Variants in MRPL30 observed in about 807,000 individuals in gnomAD.
MRPL30 encodes mitochondrial ribosomal protein L30.
A neutral mutation model predicts 17.2 loss-of-function variants in MRPL30; 10 were observed. The ratio of observed to expected loss-of-function variants is 0.58; its 90% CI spans 0.36 to 0.99. MRPL30 has a LOEUF of 0.99. MRPL30 is among the 50% of genes least tolerant of loss of function. The pLI is 0.01. For synonymous variants in MRPL30, 61 were observed against 62.1 expected, an observed-to-expected ratio of 0.98 and a Z score of 0.08; for missense variants, 170 against 189.8, an observed-to-expected ratio of 0.90 and a Z score of 0.61.
chr2:99,183,844 T>A (rs956770655), intron 1 of MRPL30, among the ~76,000 whole-genome samples: 1 of 152,138 alleles, frequency 6.6e-6, no homozygotes, highest in Non-Finnish European at 1.5e-5. Context: ...TATTCCAGGA[T>A]CCCATCCAGG....
rs1321510531 is a variant in MRPL30 at position 99,196,936 on chromosome 2, C to T, written c.*1231C>T. ...ATTATTGCACACTGCCTGAACAAAA[C>T]CTATTTGTCTCTATGTAAATTTTTT... On this transcript the variant is annotated 3_prime_UTR_variant, in exon 6 of 6. Transcript: ENST00000338148. 6.6e-6 allele frequency: 1 copy of T among 152,112 alleles called. No homozygotes were observed. The highest frequency in any genetic ancestry group is 1.5e-5 in the Non-Finnish European group (1 of 68,014). The allele number at this position is 152,112 out of a possible 1,614,324, so 9.4% of individuals were successfully genotyped here.
chr2:99,184,696 G>A (rs1011574775), intron 1 of MRPL30, among the ~76,000 whole-genome samples: 12 of 152,332 alleles, frequency 7.9e-5, no homozygotes, highest in Admixed American at 4.6e-4. Context: ...TTTTTAAAGT[G>A]TGAAGCTAAG....
chr2:99,195,865 T>C lies in MRPL30; in HGVS notation c.*160T>C. 1.0e-6 allele frequency: 1 copy of C among 968,782 alleles called. No individual in the cohort carries two copies. Among genetic ancestry groups the C allele is most frequent in the African/African-American group, 1.7e-5 (1 of 59,066 alleles). The allele number at this position is 968,782 out of a possible 1,614,324, so 60.0% of individuals were successfully genotyped here. On this transcript the variant is annotated 3_prime_UTR_variant, in exon 6 of 6. Transcript: ENST00000338148. ...GGGAGGCCAAGGCGGGCAGATCACC[T>C]GAGGTCAAGAGTTCGAGACCAGCCT...
At chr2:99,193,359 C>T (rs1005650150) in intron 3 of MRPL30, among the ~76,000 whole-genome samples, 1 of 152,094 alleles carries the variant, frequency 6.6e-6, no homozygotes, top group Non-Finnish European at 1.5e-5. Flanking sequence ...AATAAGAACG[C>T]TTTTACACTG....
At chr2:99,194,923 A>C in intron 4 of MRPL30, 26 bp downstream of exon 4, 1 of 1,533,904 alleles carries the variant, frequency 6.5e-7, no homozygotes, top group East Asian at 2.3e-5. Context: ...AATCATCTTT[A>C]GTGTTGTTTA....
chr2:99,196,012 C>G lies in MRPL30; in HGVS notation c.*307C>G. The G allele has an allele frequency of 3.4e-6, 1 of 298,310 alleles. No individual in the cohort carries two copies. The highest frequency in any genetic ancestry group is 2.9e-5 in the South Asian group (1 of 34,344). 18.5% of individuals were successfully genotyped at this position (298,310 alleles called of 1,614,324 possible). ...AGGAGAATCACTTGAACCCGGGAGG[C>G]AGAGGTTGCAGTGAGCTGAGATGGT... On this transcript the variant is annotated 3_prime_UTR_variant, in exon 6 of 6. Transcript: ENST00000338148.
rs147550629 is a variant in MRPL30, at chr2:99,195,701, C to T, written c.482C>T (p.Ser161Phe). Reference sequence around the variant, plus strand: ...CCTGTGGAGCAGAAAGCACATGAGTCCTAATGCCCCAGCAGCTTCCGATTG... The same window carrying T: ...CCTGTGGAGCAGAAAGCACATGAGTTCTAATGCCCCAGCAGCTTCCGATTG... ...LKPVEQKAHES is the reference protein window; with the variant it reads ...LKPVEQKAHEF Residue 161 changes from serine (S) to phenylalanine (F), a missense_variant, in exon 6 of 6, where the codon TCC becomes TTC. Transcript: ENST00000338148. The T allele has an allele frequency of 8.7e-5, 140 of 1,611,740 alleles. No homozygotes were observed. The African/African-American group carries it at 1.7e-3, about 20-fold the overall frequency.
chr2:99,190,337 A>AT (rs1196717144), intron 3 of MRPL30, among the ~76,000 whole-genome samples: 11 of 152,134 alleles, frequency 7.2e-5, no homozygotes, highest in South Asian at 2.1e-4. Flanking sequence ...AGGCAGGAGG[A>AT]TCTTTTGAGT....
In MRPL30 at chr2:99,199,028, A is replaced by G. The variant is rs1417897852; in HGVS notation, c.*3323A>G. Among the ~76,000 whole-genome samples the G allele has an allele frequency of 6.6e-6, 1 of 152,068 alleles. No homozygotes were observed. The highest frequency in any genetic ancestry group is 1.5e-5 in the Non-Finnish European group (1 of 68,004). On this transcript the variant is annotated 3_prime_UTR_variant, in exon 6 of 6. Coordinates refer to ENST00000338148, the MANE Select transcript of MRPL30 (RefSeq NM_145212.4). ...CACCAAGGACAGTTTGGAACTACAC[A>G]GGCCATTTTAGGGAGATTTTGACAT...
At chr2:99,188,313 G>A in intron 3 of MRPL30, 56 bp downstream of exon 3, 3 of 1,313,402 alleles carry the variant, frequency 2.3e-6, no homozygotes, top group South Asian at 2.7e-5. Flanking sequence ...AATGTTTTAA[G>A]TGGTACCCGT....
rs987068222 is a variant in MRPL30 at position 99,197,476 on chromosome 2, G to A, written c.*1771G>A. Reference sequence around the variant, plus strand: ...CATAGTTATTGAATATCCAGTGTGTGTAAGGCCTGGAGGGGAGCCAAAGGA... The same window carrying A: ...CATAGTTATTGAATATCCAGTGTGTATAAGGCCTGGAGGGGAGCCAAAGGA... On this transcript the variant is annotated 3_prime_UTR_variant, in exon 6 of 6. Coordinates refer to ENST00000338148, the MANE Select transcript of MRPL30 (RefSeq NM_145212.4). 4.6e-5 allele frequency: 7 copies of A among 152,192 alleles called. No individual in the cohort carries two copies. The highest frequency in any genetic ancestry group is 1.4e-4 in the African/African-American group (6 of 41,452). The allele number at this position is 152,192 out of a possible 1,614,324, so 9.4% of individuals were successfully genotyped here.
chr2:99,188,212 A>G lies in MRPL30; in HGVS notation c.87A>G (p.Thr29=), dbSNP rs1262129417. The change falls in exon 3 of 6, where the codon ACA becomes ACG. Residue 29 remains threonine (T), a synonymous_variant. Transcript: ENST00000338148. ...AAGGTGTGGAGTCTCTTATTTGTAC[A>G]GATTGGATTCGTCACAAATTCACCA... The part of the protein sequence containing the change: ...VTKGVESLIC[T]DWIRHKFTRS... 1.9e-6 allele frequency: 3 copies of G among 1,607,340 alleles called. No individual in the cohort carries two copies. The highest frequency in any genetic ancestry group is 2.5e-6 in the Non-Finnish European group (3 of 1,177,962).
intron 2 of MRPL30, among the ~76,000 whole-genome samples, chr2:99,186,474 A>G (rs1574844036): frequency 6.6e-6 from 1 of 152,134 alleles, no homozygotes; most frequent in African/African-American, 2.4e-5. Flanking sequence ...CTGGGACTAC[A>G]GGTGTCTGCC....
rs765743146 is a variant in MRPL30 at position 99,186,271 on chromosome 2, A to G, written c.51+17A>G. 2 of 1,612,518 alleles carry G rather than the reference A, an allele frequency of 1.2e-6. No individual in the cohort carries two copies. Among genetic ancestry groups the G allele is most frequent in the Non-Finnish European group, 1.7e-6 (2 of 1,179,052 alleles). On this transcript the variant is annotated intron_variant, in intron 2 of 5. Transcript: ENST00000338148. The stretch of plus-strand genomic sequence containing the variant: ...AGACTACAGGTAAGTGTTTCTTTTC[A>G]AGAATTTGTCTTTTCTACCCCTTAT...
chr2:99,188,154 A>C, intron 2 of MRPL30, 23 bp from the exon 3 acceptor site: 1 of 1,535,592 alleles, frequency 6.5e-7, no homozygotes, highest in Non-Finnish European at 8.8e-7. Flanking sequence ...TCTAAAAAAC[A>C]AATGATTTAT....
At chr2:99,187,301 C>CT (rs1262749043) in intron 2 of MRPL30, among the ~76,000 whole-genome samples, 1 of 152,192 alleles carries the variant, frequency 6.6e-6, no homozygotes, top group Non-Finnish European at 1.5e-5. Flanking sequence ...CTTCAGCAGC[C>CT]TGAGAGAAAT....
Position 99,181,259 on chromosome 2 carries a change from G to A in MRPL30, c.-28+10G>A, listed in dbSNP as rs909394751. On this transcript the variant is annotated intron_variant, in intron 1 of 5. Transcript: ENST00000338148. Reference sequence around the variant, plus strand: ...GGTTTAGCGGGTGCCGGTGAGTGGGGAATGAGTGGCGGAGAGTGCGGCATT... The same window carrying A: ...GGTTTAGCGGGTGCCGGTGAGTGGGAAATGAGTGGCGGAGAGTGCGGCATT... 1.5e-5 allele frequency: 6 copies of A among 410,290 alleles called. No homozygotes were observed. Among genetic ancestry groups the A allele is most frequent in the Non-Finnish European group, 2.2e-5 (5 of 225,560 alleles). The allele number at this position is 410,290 out of a possible 1,614,324, so 25.4% of individuals were successfully genotyped here.
Position 99,196,350 on chromosome 2 carries a change from G to A in MRPL30, c.*645G>A, listed in dbSNP as rs1191725721. 2 of 152,468 alleles carry A rather than the reference G, an allele frequency of 1.3e-5. No homozygotes were observed. Among genetic ancestry groups the A allele is most frequent in the African/African-American group, 4.8e-5 (2 of 41,436 alleles). The allele number at this position is 152,468 out of a possible 1,614,324, so 9.4% of individuals were successfully genotyped here. A position where few individuals can be genotyped will look rare whatever the true frequency, so the allele number is the denominator to read the frequency against. ...GGGTCTTGCTCTGTCACCCAAGCTG[G>A]AATACAGTGGCATGATTTCAGTTCA... On this transcript the variant is annotated 3_prime_UTR_variant, in exon 6 of 6. Transcript: ENST00000338148.
At chr2:99,185,824 G>T in intron 1 of MRPL30, 1 of 442,662 alleles carries the variant, frequency 2.3e-6, no homozygotes, top group Non-Finnish European at 4.5e-6. Flanking sequence ...TATAGGAGTT[G>T]GAATTTCTTC....
Sources: gnomAD v4.1 joint callset for allele counts (sites outside exome capture counted in the v4.1 genomes callset) on GRCh38, gnomAD v4.1.1 for gene constraint, MANE v1.5 for transcripts, NCBI Gene and HGNC (gene_info 2026-07-23, HGNC 2026-07-21) for gene names.